DPP6: variants seen among roughly 807,000 people sequenced by gnomAD.
The protein encoded by DPP6 is A-type potassium channel modulatory protein DPP6.
A neutral mutation model predicts 122.6 loss-of-function variants in DPP6; 69 were observed. The ratio of observed to expected loss-of-function variants is 0.56; its 90% CI spans 0.46 to 0.69. DPP6 has a LOEUF of 0.69. DPP6 is among the 30% of genes least tolerant of loss of function. The probability of loss-of-function intolerance (pLI) is 0.00; values close to 1 mark genes in which losing one functional copy is unlikely to be tolerated. For missense variants in DPP6, 928 were observed against 1,116.9 expected (o/e 0.83, Z 2.41); for synonymous variants, 418 against 433.1 (o/e 0.97, Z 0.43).
At chr7:153,769,256 T>G in the DPP6 span, among the ~76,000 whole-genome samples, 1 of 152,228 alleles carries the variant, frequency 6.6e-6, no homozygotes, top group Non-Finnish European at 1.5e-5. Flanking sequence ...TTATTTTTTC[T>G]TATGTTCTTT....
the DPP6 span, among the ~76,000 whole-genome samples, chr7:153,809,695 G>A: frequency 6.6e-6 from 1 of 151,804 alleles, no homozygotes; most frequent in Non-Finnish European, 1.5e-5. Context: ...GCATGGAGCA[G>A]CACCAGAAAG....
At position 154,825,722 on chromosome 7, in the gene DPP6, A is replaced by G. The variant is rs1473013667; in HGVS notation, c.1666+18610A>G. On this transcript the variant is annotated intron_variant, in intron 16 of 25. Coordinates refer to ENST00000377770, the MANE Select transcript of DPP6 (RefSeq NM_130797.4). ...GCCACACTGCTGTTTCTCCAATGTCATTCTTCTCATTCATATTCTGGTTAA... is the reference window on the plus strand; with the variant it reads ...GCCACACTGCTGTTTCTCCAATGTCGTTCTTCTCATTCATATTCTGGTTAA... Among the ~76,000 whole-genome samples, 4 of 152,198 alleles carry G rather than the reference A, an allele frequency of 2.6e-5. No individual in the cohort carries two copies. In the East Asian group the frequency reaches 5.8e-4, roughly 22 times the overall value.
intron 16 of DPP6, among the ~76,000 whole-genome samples, chr7:154,832,336 G>A (rs1476546718): frequency 6.6e-6 from 1 of 152,170 alleles, no homozygotes; most frequent in Non-Finnish European, 1.5e-5. Flanking sequence ...CCATGTGCCA[G>A]GGACTTTGTT....
At chr7:154,094,300 T>C (rs1449160427) in intron 1 of DPP6, 1 of 152,190 alleles carries the variant, frequency 6.6e-6, no homozygotes, top group African/African-American at 2.4e-5. Flanking sequence ...TCTGTCGGAT[T>C]GTTCAAGGGA....
intron 1 of DPP6, among the ~76,000 whole-genome samples, chr7:153,915,898 A>G (rs1359352017): frequency 6.6e-6 from 1 of 152,062 alleles, no homozygotes; most frequent in African/African-American, 2.4e-5. Flanking sequence ...AGTAAACCCA[A>G]CCTGGGCCAG....
chr7:154,638,413 C>T (rs1835861312), intron 6 of DPP6, among the ~76,000 whole-genome samples: 2 of 152,186 alleles, frequency 1.3e-5, no homozygotes, highest in South Asian at 4.1e-4. Flanking sequence ...CTACCCATCA[C>T]TCCGAGGGGG....
intron 1 of DPP6, among the ~76,000 whole-genome samples, chr7:154,267,165 A>G (rs1803473257): frequency 6.6e-6 from 1 of 152,046 alleles, no homozygotes; most frequent in South Asian, 2.1e-4. Context: ...ATCTAAAACA[A>G]TGCCACTCTG....
intron 3 of DPP6, among the ~76,000 whole-genome samples, chr7:154,511,384 T>C (rs774456496): frequency 6.6e-6 from 1 of 152,218 alleles, no homozygotes; most frequent in Non-Finnish European, 1.5e-5. Context: ...AAACCCTCTC[T>C]CTGGCTCTGG....
At chr7:154,703,991 G>A (rs967774158) in intron 7 of DPP6, among the ~76,000 whole-genome samples, 1 of 152,126 alleles carries the variant, frequency 6.6e-6, no homozygotes, top group African/African-American at 2.4e-5. Context: ...CATAGATAGT[G>A]ATTCCTCTGA....
intron 1 of DPP6, among the ~76,000 whole-genome samples, chr7:154,297,762 C>T (rs976579852): frequency 3.3e-5 from 5 of 152,190 alleles, no homozygotes; most frequent in African/African-American, 1.2e-4. Context: ...ATTATGTTTT[C>T]TCCCACGAAG....
chr7:154,335,928 G>C (rs539645584), intron 1 of DPP6, among the ~76,000 whole-genome samples: 2 of 152,034 alleles, frequency 1.3e-5, no homozygotes, highest in East Asian at 3.9e-4. Context: ...GCATTCTAGG[G>C]GTTGCAAGAC....
chr7:154,455,503 A>G (rs1458934482), intron 2 of DPP6, among the ~76,000 whole-genome samples: 1 of 152,208 alleles, frequency 6.6e-6, no homozygotes, highest in Non-Finnish European at 1.5e-5. Context: ...TTCTCCCTCC[A>G]AAAGGAGGGA....
intron 3 of DPP6, among the ~76,000 whole-genome samples, chr7:154,522,802 A>G (rs1285639899): frequency 6.6e-6 from 1 of 152,212 alleles, no homozygotes. Flanking sequence ...AGCCCCCTGA[A>G]CTGTCTTCAC....
intron 5 of DPP6, among the ~76,000 whole-genome samples, chr7:154,631,621 T>C: frequency 6.6e-6 from 1 of 150,930 alleles, no homozygotes; most frequent in East Asian, 2.0e-4. Context: ...GAGCCAAGAT[T>C]GCACCACTGC....
At chr7:154,474,577 A>G (rs960798307) in intron 2 of DPP6, among the ~76,000 whole-genome samples, 3 of 152,190 alleles carry the variant, frequency 2.0e-5, no homozygotes, top group Non-Finnish European at 2.9e-5. Flanking sequence ...GACCAATTAC[A>G]TCATATGACT....
chr7:153,874,234 A>G, the DPP6 span, among the ~76,000 whole-genome samples: 1 of 142,344 alleles, frequency 7.0e-6, no homozygotes. Flanking sequence ...AGCAACACAT[A>G]AGCGCGCGTG....
intron 16 of DPP6, among the ~76,000 whole-genome samples, chr7:154,817,703 C>T (rs1799507713): frequency 6.6e-6 from 1 of 151,962 alleles, no homozygotes; most frequent in African/African-American, 2.4e-5. Context: ...ACATGAGCAT[C>T]ATGAGTGATT....
chr7:153,973,847 T>C (rs898487759), intron 1 of DPP6, among the ~76,000 whole-genome samples: 2 of 147,030 alleles, frequency 1.4e-5, no homozygotes, highest in Non-Finnish European at 3.0e-5. Context: ...CACTGTTCAT[T>C]TTTAGTATAG....
chr7:154,191,782 G>T (rs1343919177), intron 1 of DPP6, among the ~76,000 whole-genome samples: 1 of 152,174 alleles, frequency 6.6e-6, no homozygotes, highest in East Asian at 1.9e-4. Flanking sequence ...ATCAGGAAAA[G>T]ATTCTTTCCC....
Sources: allele counts gnomAD v4.1 joint callset (sites outside exome capture counted in the v4.1 genomes callset), GRCh38; gene constraint gnomAD v4.1.1; transcripts MANE v1.5; gene names NCBI Gene and HGNC (gene_info 2026-07-23, HGNC 2026-07-21).